Variants in SH3GL3 observed in about 807,000 individuals in gnomAD.
SH3GL3 encodes the protein SH3 domain containing GRB2 like 3, endophilin A3, also known as endophilin-A3.
SH3GL3 carries 33 observed loss-of-function variants against 47.7 expected under a neutral mutation model. That is an observed-to-expected ratio of 0.69 (90% CI 0.52 to 0.92). SH3GL3 has a LOEUF of 0.92. Among genes scored for constraint, SH3GL3 ranks in the 40% least tolerant of loss-of-function variants. The pLI, the probability that SH3GL3 is intolerant of heterozygous loss-of-function variation, is 0.00. For missense variants in SH3GL3, 363 were observed against 417.8 expected, an observed-to-expected ratio of 0.87 and a Z score of 1.14; for synonymous variants, 155 against 148.8, an observed-to-expected ratio of 1.04 and a Z score of -0.30.
At chr15:83,547,140 C>A (rs1455253300) in intron 1 of SH3GL3, among the ~76,000 whole-genome samples, 1 of 152,156 alleles carries the variant, frequency 6.6e-6, no homozygotes, top group Non-Finnish European at 1.5e-5. Flanking sequence ...GAATTGCAGT[C>A]CTTGTGGCCT....
intron 8 of SH3GL3, among the ~76,000 whole-genome samples, chr15:83,611,002 A>G (rs1010319888): frequency 1.5e-4 from 22 of 145,046 alleles, no homozygotes; most frequent in African/African-American, 5.5e-4. Context: ...TATATATAAT[A>G]TGTATGTGTG....
chr15:83,513,129 C>T lies in SH3GL3; in HGVS notation c.46-46124C>T, dbSNP rs575898254. On this transcript the variant is annotated intron_variant, in intron 1 of 8. Coordinates refer to ENST00000427482, the MANE Select transcript of SH3GL3 (RefSeq NM_003027.5). ...CTGTGTGTATTTGCAATGACTTTCCCGCCCTACCTTCCACTAGTGATGCAT... is the reference window on the plus strand; with the variant it reads ...CTGTGTGTATTTGCAATGACTTTCCTGCCCTACCTTCCACTAGTGATGCAT... Among the ~76,000 whole-genome samples, 6 of 152,170 alleles carry T rather than the reference C, an allele frequency of 3.9e-5. No individual in the cohort carries two copies. In the South Asian group the frequency reaches 8.3e-4, roughly 21 times the overall value.
At chr15:83,494,274 G>T (rs2041992589) in intron 1 of SH3GL3, among the ~76,000 whole-genome samples, 1 of 152,180 alleles carries the variant, frequency 6.6e-6, no homozygotes, top group African/African-American at 2.4e-5. Context: ...AGTTTCTGAT[G>T]GGCTCGGTCA....
At chr15:83,539,898 G>A (rs56852757) in intron 1 of SH3GL3, among the ~76,000 whole-genome samples, 18,695 of 152,032 alleles carry the variant, frequency 0.12, 1,260 homozygotes, top group Middle Eastern at 0.19. Context: ...GTGTAAAGCA[G>A]GGGTCTTAAA....
chr15:83,455,968 G>A (rs1434358820), intron 1 of SH3GL3, among the ~76,000 whole-genome samples: 1 of 35,090 alleles, frequency 2.8e-5, no homozygotes, highest in Non-Finnish European at 5.5e-5. Context: ...TGATGATGGT[G>A]ATGTACAGAT....
intron 8 of SH3GL3, chr15:83,611,406 C>T (rs112707819): frequency 1.1e-4 from 16 of 152,142 alleles, no homozygotes; most frequent in African/African-American, 2.4e-4. Context: ...TCTCACGTTT[C>T]GTTGAAGCCA....
intron 1 of SH3GL3, among the ~76,000 whole-genome samples, chr15:83,506,123 A>AT (rs1187373403): frequency 1.1e-4 from 16 of 152,158 alleles, no homozygotes; most frequent in African/African-American, 3.6e-4. Flanking sequence ...AGTCTTTGCC[A>AT]TTATAGTTCC....
chr15:83,513,489 AG>A (rs757425503), intron 1 of SH3GL3, among the ~76,000 whole-genome samples: 4 of 152,140 alleles, frequency 2.6e-5, no homozygotes, highest in Admixed American at 2.6e-4. Flanking sequence ...GCCTCGGCTC[AG>A]GCTTCTCTTT....
At chr15:83,593,942 C>T (rs1202252843) in intron 8 of SH3GL3, among the ~76,000 whole-genome samples, 1 of 152,132 alleles carries the variant, frequency 6.6e-6, no homozygotes, top group African/African-American at 2.4e-5. Flanking sequence ...CGTTAGCCTC[C>T]CACATAGCTG....
intron 1 of SH3GL3, among the ~76,000 whole-genome samples, chr15:83,497,260 G>A (rs7162608): frequency 0.01 from 1,588 of 152,110 alleles, 22 homozygotes; most frequent in African/African-American, 0.032. Context: ...CTACCTTCTT[G>A]CCCCTTGTCT....
At chr15:83,485,364 AGT>A (rs761839849) in intron 1 of SH3GL3, among the ~76,000 whole-genome samples, 2 of 152,146 alleles carry the variant, frequency 1.3e-5, no homozygotes, top group African/African-American at 2.4e-5. Context: ...ATAATGAAAA[AGT>A]GTTGTGTTCT....
chr15:83,520,801 C>A (rs1361065814), intron 1 of SH3GL3, among the ~76,000 whole-genome samples: 3 of 152,060 alleles, frequency 2.0e-5, no homozygotes, highest in Non-Finnish European at 4.4e-5. Flanking sequence ...GATGCTCTTA[C>A]CTCTCCCACC....
At chr15:83,530,013 C>T (rs550505250) in intron 1 of SH3GL3, among the ~76,000 whole-genome samples, 5 of 152,196 alleles carry the variant, frequency 3.3e-5, no homozygotes, top group African/African-American at 1.2e-4. Flanking sequence ...GGCTAGAGTG[C>T]TAGGGACCCT....
intron 1 of SH3GL3, among the ~76,000 whole-genome samples, chr15:83,511,748 C>G (rs1408464158): frequency 6.6e-6 from 1 of 152,112 alleles, no homozygotes; most frequent in African/African-American, 2.4e-5. Context: ...TCCCAGTGTA[C>G]CGCGCACCTG....
intron 1 of SH3GL3, among the ~76,000 whole-genome samples, chr15:83,540,640 A>G (rs2044111366): frequency 1.3e-5 from 2 of 152,132 alleles, no homozygotes; most frequent in South Asian, 2.1e-4. Context: ...TAAAATTTCT[A>G]TGGGTACATA....
chr15:83,628,788 G>A, the SH3GL3 span, among the ~76,000 whole-genome samples: 41 of 151,970 alleles, frequency 2.7e-4, no homozygotes, highest in South Asian at 8.5e-3. Flanking sequence ...AAATAAAACT[G>A]TGTTTATGTG....
chr15:83,616,521 C>T (rs1047056070), intron 8 of SH3GL3, among the ~76,000 whole-genome samples: 2 of 152,060 alleles, frequency 1.3e-5, no homozygotes, highest in Middle Eastern at 3.2e-3. Flanking sequence ...GGATTACAAG[C>T]GTGAGCCACT....
At position 83,501,829 on chromosome 15, in the gene SH3GL3, T is replaced by G. The variant is rs562160853; in HGVS notation, c.45+54251T>G. Among the ~76,000 whole-genome samples the G allele has an allele frequency of 2.0e-5, 3 of 152,066 alleles. No homozygotes were observed. The East Asian group carries it at 5.8e-4, about 29-fold the overall frequency. ...TTGCTTGAACCCGGGAAGCTGAGGTTGCAGTGAGCTGACATCATGCCACCG... is the reference window on the plus strand; with the variant it reads ...TTGCTTGAACCCGGGAAGCTGAGGTGGCAGTGAGCTGACATCATGCCACCG... On this transcript the variant is annotated intron_variant, in intron 1 of 8. Transcript: ENST00000427482.
chr15:83,576,622 G>A lies in SH3GL3; in HGVS notation c.505G>A (p.Asp169Asn), dbSNP rs772850819. ...KKLEGRRLDY[D>N]YKKKRVGKIP... is the part of the protein sequence containing the mutation. ...GCTGGAAGGCCGCCGCCTGGATTAC[G>A]ATTATAAAAAGAAACGAGTAGGTAA... Residue 169 changes from aspartate (D) to asparagine (N), a missense_variant, in exon 6 of 9, where the codon GAT (aspartate) becomes AAT (asparagine). Coordinates refer to ENST00000427482, the MANE Select transcript of SH3GL3 (RefSeq NM_003027.5). 2 of 1,611,810 alleles carry A rather than the reference G, an allele frequency of 1.2e-6. No individual in the cohort carries two copies. The highest frequency in any genetic ancestry group is 1.1e-5 in the South Asian group (1 of 90,708).
Sources: allele counts gnomAD v4.1 joint callset (sites outside exome capture counted in the v4.1 genomes callset), GRCh38; gene constraint gnomAD v4.1.1; transcripts MANE v1.5; gene names NCBI Gene and HGNC (gene_info 2026-07-23, HGNC 2026-07-21).